The following SMIM35 variants were observed in gnomAD, a reference collection of about 807,000 sequenced individuals.
SMIM35 encodes the protein small integral membrane protein 35, also known as TMPRSS4 antisense RNA 1 (non-protein coding).
intron 1 of SMIM35, among the ~76,000 whole-genome samples, chr11:118,058,698 C>T (rs1428826021): frequency 2.0e-5 from 3 of 152,108 alleles, no homozygotes; most frequent in Non-Finnish European, 4.4e-5. Flanking sequence ...CATCTGGACC[C>T]GAGGGCTGCG....
chr11:118,037,927 T>C (rs1389380773), intron 1 of SMIM35, among the ~76,000 whole-genome samples: 1 of 152,220 alleles, frequency 6.6e-6, no homozygotes, highest in African/African-American at 2.4e-5. Flanking sequence ...GTCACTTTTT[T>C]AAAGCTTTCT....
intron 1 of SMIM35, chr11:118,028,656 C>T (rs1299786990): frequency 8.6e-6 from 2 of 233,248 alleles, no homozygotes; most frequent in Admixed American, 1.1e-4. Flanking sequence ...ATAAAATTTA[C>T]TTAGAATGAT....
At chr11:118,044,801 T>TA (rs56326853) in intron 1 of SMIM35, among the ~76,000 whole-genome samples, 22 of 13,046 alleles carry the variant, frequency 1.7e-3, no homozygotes, top group East Asian at 4.0e-3. Flanking sequence ...TTCATTCTAC[T>TA]AAAAAAAAAA....
chr11:118,048,035 G>A (rs1414156953), intron 1 of SMIM35, among the ~76,000 whole-genome samples: 2 of 152,176 alleles, frequency 1.3e-5, no homozygotes, highest in African/African-American at 4.8e-5. Flanking sequence ...CCCAGAGTGG[G>A]GGTGCATCCG....
At chr11:118,012,636 A>C (rs897585797) in intron 4 of SMIM35, among the ~76,000 whole-genome samples, 6 of 152,142 alleles carry the variant, frequency 3.9e-5, no homozygotes, top group African/African-American at 1.4e-4. Context: ...GGAGTTGGCC[A>C]TGTTTGGGAG....
At chr11:118,050,302 G>T (rs1379020590) in intron 1 of SMIM35, among the ~76,000 whole-genome samples, 7 of 152,346 alleles carry the variant, frequency 4.6e-5, no homozygotes, top group African/African-American at 1.4e-4. Context: ...GGCACAGGTT[G>T]CCCCACAGGC....
chr11:118,024,073 A>C (rs1012744890), intron 1 of SMIM35, among the ~76,000 whole-genome samples: 2 of 152,138 alleles, frequency 1.3e-5, no homozygotes, highest in Non-Finnish European at 1.5e-5. Context: ...GGACAACTTC[A>C]AGCCACCTAA....
intron 1 of SMIM35, among the ~76,000 whole-genome samples, chr11:118,035,281 C>A (rs2058350943): frequency 6.6e-6 from 1 of 152,030 alleles, no homozygotes; most frequent in Non-Finnish European, 1.5e-5. Flanking sequence ...AGCCCCAGGA[C>A]TTTCTCCCTG....
At chr11:118,060,133 G>T (rs193180784) in intron 1 of SMIM35, among the ~76,000 whole-genome samples, 3 of 152,082 alleles carry the variant, frequency 2.0e-5, no homozygotes, top group South Asian at 2.1e-4. Flanking sequence ...CCCAATTCCC[G>T]CGCTCTAGGG....
At chr11:118,038,252 G>A (rs1202496128) in intron 1 of SMIM35, among the ~76,000 whole-genome samples, 2 of 152,144 alleles carry the variant, frequency 1.3e-5, no homozygotes, top group East Asian at 1.9e-4. Context: ...GGGCAGTGTC[G>A]TCCTGCTTAT....
At chr11:118,050,548 G>A (rs977885392) in intron 1 of SMIM35, among the ~76,000 whole-genome samples, 4 of 152,292 alleles carry the variant, frequency 2.6e-5, no homozygotes, top group African/African-American at 9.6e-5. Flanking sequence ...AAGAAGGTGG[G>A]GAGCAGAAAC....
At chr11:118,007,065 G>GCACACA in intron 4 of SMIM35, among the ~76,000 whole-genome samples, 1 of 151,828 alleles carries the variant, frequency 6.6e-6, no homozygotes, top group Admixed American at 6.6e-5. Context: ...ACACGCACAC[G>GCACACA]CACACACACA....
At chr11:118,025,001 T>A (rs1204981300) in intron 1 of SMIM35, among the ~76,000 whole-genome samples, 1 of 152,224 alleles carries the variant, frequency 6.6e-6, no homozygotes, top group East Asian at 1.9e-4. Flanking sequence ...CTTTCACTTG[T>A]AACGGAAAAC....
intron 1 of SMIM35, among the ~76,000 whole-genome samples, chr11:118,054,294 A>G (rs1230907378): frequency 1.3e-5 from 2 of 152,174 alleles, no homozygotes; most frequent in African/African-American, 4.8e-5. Context: ...ACAGAAAAAC[A>G]TTGACATTTT....
intron 1 of SMIM35, among the ~76,000 whole-genome samples, chr11:118,075,224 C>T (rs1038318750): frequency 6.6e-6 from 1 of 152,224 alleles, no homozygotes; most frequent in African/African-American, 2.4e-5. Context: ...CCTGAGATCA[C>T]AGGCTCTTGC....
intron 1 of SMIM35, among the ~76,000 whole-genome samples, chr11:118,042,864 CT>C (rs1407792751): frequency 2.0e-5 from 3 of 152,192 alleles, no homozygotes; most frequent in African/African-American, 7.2e-5. Context: ...AAAATCAATT[CT>C]TGTAACACAT....
At chr11:118,066,246 G>A (rs944103987) in intron 1 of SMIM35, among the ~76,000 whole-genome samples, 7 of 151,926 alleles carry the variant, frequency 4.6e-5, no homozygotes, top group African/African-American at 9.7e-5. Flanking sequence ...GGATCTCTTC[G>A]CCCTTGTTTT....
rs555975760 is a variant in SMIM35 at position 118,049,203 on chromosome 11, G to A, written c.8-33394C>T. Among the ~76,000 whole-genome samples, 3 of 152,134 alleles carry A rather than the reference G, an allele frequency of 2.0e-5. No individual in the cohort carries two copies. The East Asian group carries it at 5.8e-4, about 29-fold the overall frequency. ...AGACAATGCCACACAGAGCCAGAGA[G>A]GGGCAATGGCCCCTGCCAAGAGTGG... On this transcript the variant is annotated intron_variant, in intron 1 of 4. Coordinates refer to ENST00000689828, the MANE Select transcript of SMIM35 (RefSeq NM_001394165.1).
Position 118,028,568 on chromosome 11 carries a change from A to G in SMIM35, c.8-12759T>C, listed in dbSNP as rs371821469. Among the ~76,000 whole-genome samples the G allele has an allele frequency of 4.6e-5, 7 of 152,226 alleles. 1 individual carries two copies. In the South Asian group the frequency reaches 1.4e-3, roughly 32 times the overall value. Reference sequence around the variant, plus strand: ...AAAAAAATTACAAATTGATTTTACAAATAAAACTATGCTTATTCGTATATA... The same window carrying G: ...AAAAAAATTACAAATTGATTTTACAGATAAAACTATGCTTATTCGTATATA... On this transcript the variant is annotated intron_variant, in intron 1 of 4. Transcript: ENST00000689828.
Sources: gnomAD v4.1 joint callset for allele counts (sites outside exome capture counted in the v4.1 genomes callset) on GRCh38, gnomAD v4.1.1 for gene constraint, MANE v1.5 for transcripts, NCBI Gene and HGNC (gene_info 2026-07-23, HGNC 2026-07-21) for gene names.